CHRD: variants seen among roughly 807,000 people sequenced by gnomAD.
CHRD encodes the protein chordin.
A neutral mutation model predicts 113.7 loss-of-function variants in CHRD; 69 were observed. That is an observed-to-expected ratio of 0.61 (90% CI 0.50 to 0.74). CHRD has a LOEUF of 0.74. Ranked by LOEUF, CHRD falls within the 30% of genes least tolerant of loss-of-function variation. The pLI, the probability that CHRD is intolerant of heterozygous loss-of-function variation, is 0.00. For synonymous variants in CHRD, 561 were observed against 540.8 expected, an observed-to-expected ratio of 1.04 and a Z score of -0.52; for missense variants, 1,194 against 1,295.8, an observed-to-expected ratio of 0.92 and a Z score of 1.21.
At position 184,383,177 on chromosome 3, in the gene CHRD, G is replaced by C. The variant is rs1177628304; in HGVS notation, c.1213+14G>C. 1 of 1,594,740 alleles carries C rather than the reference G, an allele frequency of 6.3e-7. No individual in the cohort carries two copies. Among genetic ancestry groups the C allele is most frequent in the South Asian group, 1.1e-5 (1 of 89,026 alleles). ...AGAGCTGCGACGGTGAGGCGGGGGG[G>C]GGGCCTGGTGCGCCGGGCATGCACA... On this transcript the variant is annotated intron_variant, in intron 10 of 22. Transcript: ENST00000204604.
In CHRD at chr3:184,381,109, C is replaced by A; in HGVS notation, c.253-126C>A. On this transcript the variant is annotated intron_variant, in intron 2 of 22. Transcript: ENST00000204604. The surrounding 1 kb of genome is among the most constrained non-coding windows in gnomAD (Gnocchi z 4.7). ...CTTGAGGCCCAGAGAGATGAAGTAG[C>A]TTGTCTAGGGTCACGCAGCTTGTAA... 1 of 1,090,744 alleles carries A rather than the reference C, an allele frequency of 9.2e-7. No homozygotes were observed. Among genetic ancestry groups the A allele is most frequent in the East Asian group, 2.4e-5 (1 of 42,444 alleles). The allele number at this position is 1,090,744 out of a possible 1,614,324, so 67.6% of individuals were successfully genotyped here. A position where few individuals can be genotyped will look rare whatever the true frequency, so the allele number is the denominator to read the frequency against.
Position 184,380,932 on chromosome 3 carries a change from G to C in CHRD, c.252+137G>C, listed in dbSNP as rs757170109. On this transcript the variant is annotated intron_variant, in intron 2 of 22. Transcript: ENST00000204604. The surrounding 1 kb of genome is among the most constrained non-coding windows in gnomAD (Gnocchi z 6.3). ...GGGATATTTTTCTGGTGGAGGAAGG[G>C]GAATCAGCCCCTCCAATTCTTAGGT... The C allele has an allele frequency of 3.9e-6, 3 of 767,890 alleles. No individual in the cohort carries two copies. Among genetic ancestry groups the C allele is most frequent in the Non-Finnish European group, 6.7e-6 (3 of 451,094 alleles). The allele number at this position is 767,890 out of a possible 1,614,324, so 47.6% of individuals were successfully genotyped here. A position where few individuals can be genotyped will look rare whatever the true frequency, so the allele number is the denominator to read the frequency against.
At position 184,386,168 on chromosome 3, in the gene CHRD, C is replaced by T. The variant is rs774530147; in HGVS notation, c.1932+9C>T. On this transcript the variant is annotated intron_variant, in intron 15 of 22. Transcript: ENST00000204604. ...GGGAGCTCCGAGGGCAGGTAGGTGG[C>T]GAGTGTGGGCAGTGGGGGCAGTGGG... is the stretch of plus-strand genomic sequence containing the variant. 17 of 1,613,058 alleles carry T rather than the reference C, an allele frequency of 1.1e-5. No homozygotes were observed. Among genetic ancestry groups the T allele is most frequent in the East Asian group, 4.5e-5 (2 of 44,876 alleles).
chr3:184,388,555 T>C lies in CHRD; in HGVS notation c.2555-32T>C. The C allele has an allele frequency of 6.3e-7, 1 of 1,596,484 alleles. No individual in the cohort carries two copies. The highest frequency in any genetic ancestry group is 8.5e-7 in the Non-Finnish European group (1 of 1,176,598). On this transcript the variant is annotated intron_variant, in intron 20 of 22. Coordinates refer to ENST00000204604, the Ensembl canonical transcript of CHRD. This position sits in a 1 kb window ranked among gnomAD's most constrained non-coding sequence, Gnocchi z 6.1. Reference sequence around the variant, plus strand: ...ACTCATAAAACCTTGTTGGTCCTCCTGGGCTGATCCTTTCTCTTTCCCTCT... The same window carrying C: ...ACTCATAAAACCTTGTTGGTCCTCCCGGGCTGATCCTTTCTCTTTCCCTCT...
Position 184,380,848 on chromosome 3 carries a change from C to G in CHRD, c.252+53C>G. ...CCCTGGCGGGTGGGGAGCGCCGGGT[C>G]GCGCGGGCGTCGGAGTGGACTCGGA... On this transcript the variant is annotated intron_variant, in intron 2 of 22. Coordinates refer to ENST00000204604, the Ensembl canonical transcript of CHRD. This position sits in a 1 kb window ranked among gnomAD's most constrained non-coding sequence, Gnocchi z 6.3. 1 of 1,391,126 alleles carries G rather than the reference C, an allele frequency of 7.2e-7. No individual in the cohort carries two copies. The highest frequency in any genetic ancestry group is 1.4e-5 in the South Asian group (1 of 73,508). The allele number at this position is 1,391,126 out of a possible 1,614,324, so 86.2% of individuals were successfully genotyped here.
At chr3:184,386,265 G>A in intron 15 of CHRD, 106 bp downstream of exon 15, 1 of 1,316,466 alleles carries the variant, frequency 7.6e-7, no homozygotes, top group Non-Finnish European at 1.1e-6. Flanking sequence ...CCTGGGGGTG[G>A]TCGTATCACA....
At chr3:184,383,136 C>T in exon 10 of CHRD, 1 of 1,607,026 alleles carries the variant, frequency 6.2e-7, no homozygotes, top group East Asian at 2.2e-5. Flanking sequence ...CATCAGTGGA[C>T]ACATTGCTGC....
At position 184,387,240 on chromosome 3, in the gene CHRD, A is replaced by T; in HGVS notation, c.2347+133A>T. ...CAGATTCCAAGTGATGCCTGACAGG[A>T]CTCATTAGTGTTACTGGCCCCCAGG... On this transcript the variant is annotated intron_variant, in intron 18 of 22. Coordinates refer to ENST00000204604, the Ensembl canonical transcript of CHRD. The surrounding 1 kb of genome is among the most constrained non-coding windows in gnomAD (Gnocchi z 6.1). 1 of 1,259,136 alleles carries T rather than the reference A, an allele frequency of 7.9e-7. No homozygotes were observed. Among genetic ancestry groups the T allele is most frequent in the Non-Finnish European group, 1.1e-6 (1 of 881,948 alleles). 78.0% of individuals were successfully genotyped at this position (1,259,136 alleles called of 1,614,324 possible). A position where few individuals can be genotyped will look rare whatever the true frequency, so the allele number is the denominator to read the frequency against.
At chr3:184,385,164 G>C (rs1286442852) in exon 14 of CHRD, 2 of 1,614,174 alleles carry the variant, frequency 1.2e-6, no homozygotes, top group East Asian at 2.2e-5. Context: ...ACAAGGCACT[G>C]TCACTGCCCA....
Position 184,389,548 on chromosome 3 carries a change from T to G in CHRD, c.*126T>G, listed in dbSNP as rs1577418931. 2 of 796,934 alleles carry G rather than the reference T, an allele frequency of 2.5e-6. 1 individual carries two copies. Among genetic ancestry groups the G allele is most frequent in the Admixed American group, 4.7e-5 (2 of 42,162 alleles). 49.4% of individuals were successfully genotyped at this position (796,934 alleles called of 1,614,324 possible). A position where few individuals can be genotyped will look rare whatever the true frequency, so the allele number is the denominator to read the frequency against. ...CTTTGCTCCTCTGTCCTGCCTCTAC[T>G]CCCACCCCCACTACCTCTGGGAACC... On this transcript the variant is annotated 3_prime_UTR_variant, in exon 23 of 23. Transcript: ENST00000204604.
rs1438068382 is a variant in CHRD, at chr3:184,384,941, G to C, written c.1598-77G>C. The C allele has an allele frequency of 2.1e-6, 3 of 1,442,902 alleles. No individual in the cohort carries two copies. The highest frequency in any genetic ancestry group is 2.3e-5 in the East Asian group (1 of 43,862). The allele number at this position is 1,442,902 out of a possible 1,614,324, so 89.4% of individuals were successfully genotyped here. ...TTCCAGCTCGTGGAATGTGTGCTGGGGAGCTGGGAATGCTGGGTTTGAGGG... is the reference window on the plus strand; with the variant it reads ...TTCCAGCTCGTGGAATGTGTGCTGGCGAGCTGGGAATGCTGGGTTTGAGGG... On this transcript the variant is annotated intron_variant, in intron 13 of 22. Transcript: ENST00000204604. The surrounding 1 kb of genome is among the most constrained non-coding windows in gnomAD (Gnocchi z 4.4).
chr3:184,386,574 C>T lies in CHRD; in HGVS notation c.2015C>T (p.Pro672Leu), dbSNP rs746170996. 6.9e-5 allele frequency: 108 copies of T among 1,568,526 alleles called. No homozygotes were observed. Among genetic ancestry groups the T allele is most frequent in the Middle Eastern group, 2.0e-4 (1 of 5,092 alleles). Residue 672 changes from proline to leucine, a missense_variant, in exon 16 of 23, where the codon CCG becomes CTG. Pro to Leu is a moderately conservative substitution (Grantham distance 98). Coordinates refer to ENST00000204604, the Ensembl canonical transcript of CHRD. ...GAGGGGGTGCGGGCGCTGGGGGCTC[C>T]GGATACAGCCTCTGCTGCGCCGCCT...
In CHRD at chr3:184,388,768, A is replaced by G; in HGVS notation, c.2709+27A>G. Reference sequence around the variant, plus strand: ...TAAGTGGGGAGCAGAGGCTTGTGTGAGGTGGGTACTGGGAGCCTGGTCTGG... The same window carrying G: ...TAAGTGGGGAGCAGAGGCTTGTGTGGGGTGGGTACTGGGAGCCTGGTCTGG... On this transcript the variant is annotated intron_variant, in intron 21 of 22. Transcript: ENST00000204604. This position sits in a 1 kb window ranked among gnomAD's most constrained non-coding sequence, Gnocchi z 6.1. The G allele has an allele frequency of 6.2e-7, 1 of 1,612,556 alleles. No homozygotes were observed. Among genetic ancestry groups the G allele is most frequent in the Non-Finnish European group, 8.5e-7 (1 of 1,179,060 alleles).
chr3:184,388,434 TC>T lies in CHRD; in HGVS notation c.2555-150del, dbSNP rs1716719878. On this transcript the variant is annotated intron_variant, in intron 20 of 22. Coordinates refer to ENST00000204604, the Ensembl canonical transcript of CHRD. This position sits in a 1 kb window ranked among gnomAD's most constrained non-coding sequence, Gnocchi z 6.1. ...ATCCATCCATCCATCCATCCATCCG[TC>T]CCTTCATCCATCCATTCATCTGCCC... 6.6e-6 allele frequency among the ~76,000 whole-genome samples: 1 copy of T among 151,958 alleles called. No homozygotes were observed.
Position 184,388,384 on chromosome 3 carries a change from G to C in CHRD, c.2555-203G>C, listed in dbSNP as rs1180197447. On this transcript the variant is annotated intron_variant, in intron 20 of 22. Coordinates refer to ENST00000204604, the Ensembl canonical transcript of CHRD. This position sits in a 1 kb window ranked among gnomAD's most constrained non-coding sequence, Gnocchi z 6.1. ...CCATCCATCCACCCATCCACCCATT[G>C]ATGCATCCATCCATCCATCCATCCA... 1.0e-5 allele frequency among the ~76,000 whole-genome samples: 1 copy of C among 99,324 alleles called. No homozygotes were observed. The highest frequency in any genetic ancestry group is 2.1e-5 in the Non-Finnish European group (1 of 48,598). 65.2% of individuals were successfully genotyped at this position (99,324 alleles called of 152,430 possible).
At chr3:184,385,431 G>C (rs1278191735) in intron 14 of CHRD, among the ~76,000 whole-genome samples, 193 bp downstream of exon 14, 10 of 152,086 alleles carry the variant, frequency 6.6e-5, no homozygotes, top group African/African-American at 2.4e-4. Flanking sequence ...ACTTTGGGAG[G>C]CCAGGTGGGT....
chr3:184,389,379 C>T, exon 23 of CHRD: 1 of 1,613,728 alleles, frequency 6.2e-7, no homozygotes, highest in Non-Finnish European at 8.5e-7. Context: ...GCCCCAGAGA[C>T]CAGAACTGAT....
At position 184,382,034 on chromosome 3, in the gene CHRD, A is replaced by G. The variant is rs751439853; in HGVS notation, c.699+14A>G. The G allele has an allele frequency of 1.2e-6, 2 of 1,613,074 alleles. No individual in the cohort carries two copies. Among genetic ancestry groups the G allele is most frequent in the Non-Finnish European group, 1.7e-6 (2 of 1,179,902 alleles). ...CAAGATGGCCTGGTGAGATGATGCC[A>G]TTTATGAGCACTTGCCCAGTCTGGG... On this transcript the variant is annotated intron_variant, in intron 6 of 22. Coordinates refer to ENST00000204604, the Ensembl canonical transcript of CHRD.
At position 184,387,060 on chromosome 3, in the gene CHRD, A is replaced by T. The variant is rs776940194; in HGVS notation, c.2300A>T (p.Asp767Val). 1.9e-6 allele frequency: 3 copies of T among 1,614,062 alleles called. No individual in the cohort carries two copies. Among genetic ancestry groups the T allele is most frequent in the Middle Eastern group, 3.3e-4 (2 of 6,062 alleles). ...TTCTTTGGCTCCACAGAGAAACAAGATGTCAGAGACTTGCCAGGGCTGCCA... is the reference window on the plus strand; with the variant it reads ...TTCTTTGGCTCCACAGAGAAACAAGTTGTCAGAGACTTGCCAGGGCTGCCA... Residue 767 changes from aspartate (D) to valine (V), a missense_variant, in exon 18 of 23, where the codon GAT (aspartate) becomes GTT (valine). Asp to Val is a radical substitution (Grantham distance 152). Transcript: ENST00000204604. The surrounding 1 kb of genome is among the most constrained non-coding windows in gnomAD (Gnocchi z 6.1).
Sources: gnomAD v4.1 joint callset for allele counts (sites outside exome capture counted in the v4.1 genomes callset) on GRCh38, gnomAD v4.1.1 for gene constraint, Gnocchi (gnomAD v3.1) non-coding constraint, MANE v1.5 for transcripts, NCBI Gene and HGNC (gene_info 2026-07-23, HGNC 2026-07-21) for gene names.